Variants in ARHGEF18 observed in about 807,000 individuals in gnomAD.
ARHGEF18 encodes Rho/Rac guanine nucleotide exchange factor 18.
Under a neutral mutation model 155.7 loss-of-function variants are expected in ARHGEF18, and 93 were observed. The ratio of observed to expected loss-of-function variants is 0.60; its 90% CI spans 0.50 to 0.71. ARHGEF18 has a LOEUF of 0.71. Among genes scored for constraint, ARHGEF18 ranks in the 30% least tolerant of loss-of-function variants. The pLI, the probability that ARHGEF18 is intolerant of heterozygous loss-of-function variation, is 0.00. For synonymous variants in ARHGEF18, 742 were observed against 753.1 expected (o/e 0.99, Z 0.24); for missense variants, 1,593 against 1,816.1 (o/e 0.88, Z 2.23).
Position 7,463,899 on chromosome 19 carries a change from C to G in ARHGEF18, c.2717C>G (p.Pro906Arg). Residue 906 changes from proline to arginine, a missense_variant, in exon 22 of 29, where the codon CCG (proline) becomes CGG (arginine). Transcript: ENST00000668164. This position sits in a 1 kb window ranked among gnomAD's most constrained non-coding sequence, Gnocchi z 5.2. ...QAEDGGSSTG[P>R]PRRAETFAGY... ...GAAGACGGAGGCAGCTCCACAGGCC[C>G]GCCCAGGAGGGCTGAGACCTTCGCG... The G allele has an allele frequency of 1.3e-6, 2 of 1,599,908 alleles. No homozygotes were observed. Among genetic ancestry groups the G allele is most frequent in the Non-Finnish European group, 1.7e-6 (2 of 1,173,916 alleles).
chr19:7,352,832 CTTTTTTTTT>C (rs587602037), intron 1 of ARHGEF18, among the ~76,000 whole-genome samples: 5 of 49,884 alleles, frequency 1.0e-4, no homozygotes, highest in South Asian at 2.5e-3. Context: ...CGTGCCTGGC[CTTTTTTTTT>C]TTTTTTTTTT....
At chr19:7,456,231 T>C (rs1975815929) in intron 17 of ARHGEF18, 96 bp from the exon 18 acceptor site, 4 of 1,105,922 alleles carry the variant, frequency 3.6e-6, no homozygotes, top group Non-Finnish European at 5.6e-6. Flanking sequence ...ATCATGCTGC[T>C]TACACCTTCC....
chr19:7,444,311 C>T lies in ARHGEF18; in HGVS notation c.1468C>T (p.Arg490Cys), dbSNP rs764885531. 9 of 1,613,562 alleles carry T rather than the reference C, an allele frequency of 5.6e-6. No individual in the cohort carries two copies. Among genetic ancestry groups the T allele is most frequent in the South Asian group, 3.3e-5 (3 of 91,090 alleles). Residue 490 changes from arginine (R) to cysteine (C), a missense_variant, in exon 14 of 29, where the codon CGC (arginine) becomes TGC (cysteine). By Grantham distance (180) the Arg-to-Cys change is radical (BLOSUM62 -3). Transcript: ENST00000668164. The surrounding 1 kb of genome is among the most constrained non-coding windows in gnomAD (Gnocchi z 4.7). Reference protein sequence around the residue: ...ELQFSSKAIGRLFPCADDLLE... With the variant: ...ELQFSSKAIGCLFPCADDLLE... ...GCAGTTCAGCAGCAAGGCCATTGGC[C>T]GCCTCTTCCCATGCGCTGACGACCT...
At chr19:7,355,904 A>G (rs1969282203) in intron 1 of ARHGEF18, among the ~76,000 whole-genome samples, 1 of 152,128 alleles carries the variant, frequency 6.6e-6, no homozygotes, top group South Asian at 2.1e-4. Flanking sequence ...TTCAGAGGAA[A>G]TGTCTCCCAA....
intron 10 of ARHGEF18, among the ~76,000 whole-genome samples, chr19:7,409,877 G>A (rs900621099): frequency 4.4e-5 from 6 of 136,038 alleles, no homozygotes; most frequent in African/African-American, 8.2e-5. Context: ...AAGTTCAAGC[G>A]ATTCTCCTGC....
At chr19:7,390,594 C>A (rs1364054930) in intron 10 of ARHGEF18, 1 of 151,794 alleles carries the variant, frequency 6.6e-6, no homozygotes, top group African/African-American at 2.4e-5. Flanking sequence ...ATGTCTGGTA[C>A]ACACGGGCAA....
chr19:7,464,789 G>C, intron 23 of ARHGEF18, 99 bp downstream of exon 23: 1 of 1,440,866 alleles, frequency 6.9e-7, no homozygotes, highest in Non-Finnish European at 9.4e-7. Context: ...AGTCTTATTA[G>C]CATCGACAAG....
At chr19:7,381,078 A>C in intron 8 of ARHGEF18, 84 bp downstream of exon 8, 2 of 1,073,084 alleles carry the variant, frequency 1.9e-6, no homozygotes, top group Non-Finnish European at 2.4e-6. Context: ...CAGACCCCCC[A>C]TGCTGGGGGC....
intron 10 of ARHGEF18, among the ~76,000 whole-genome samples, chr19:7,418,961 G>A (rs993981741): frequency 2.6e-5 from 4 of 151,830 alleles, no homozygotes; most frequent in African/African-American, 9.7e-5. Flanking sequence ...TGCATTGCAG[G>A]TGTGTCTGCT....
chr19:7,363,459 G>A (rs1254599237), intron 2 of ARHGEF18, among the ~76,000 whole-genome samples: 2 of 151,558 alleles, frequency 1.3e-5, no homozygotes, highest in Non-Finnish European at 2.9e-5. Flanking sequence ...AGAAGGATGG[G>A]TGGATTAAAG....
At chr19:7,427,128 C>T (rs1004480586) in intron 10 of ARHGEF18, among the ~76,000 whole-genome samples, 6 of 152,122 alleles carry the variant, frequency 3.9e-5, no homozygotes, top group Middle Eastern at 3.2e-3. Context: ...TTTTTGCTGT[C>T]GCAGAACCTG....
At position 7,375,870 on chromosome 19, in the gene ARHGEF18, G is replaced by T; in HGVS notation, c.426G>T (p.Lys142Asn). The change falls in exon 4 of 29, where the codon AAG (lysine) becomes AAT (asparagine). Residue 142 changes from lysine to asparagine, a missense_variant and splice_region_variant. Physicochemically the swap from Lys to Asn is moderately conservative, Grantham distance 94 (BLOSUM62 0). Transcript: ENST00000668164. ...GGGTPAESPG[K>N]ECDSPKKRGR... is the part of the protein sequence containing the mutation. ...GGACCCCCGCAGAGAGCCCAGGCAA[G>T]GTGGGTATAACCTGCAGCCACCCCT... The T allele has an allele frequency of 8.1e-7, 1 of 1,234,430 alleles. No individual in the cohort carries two copies. 76.5% of individuals were successfully genotyped at this position (1,234,430 alleles called of 1,614,324 possible).
At chr19:7,382,702 A>AG in intron 8 of ARHGEF18, 90 bp from the exon 9 acceptor site, 1 of 874,780 alleles carries the variant, frequency 1.1e-6, no homozygotes, top group Non-Finnish European at 1.5e-6. Flanking sequence ...ACAGGGAGAC[A>AG]GGTTGCAGGT....
rs1568270664 is a variant in ARHGEF18, at chr19:7,368,007, G to GGAAGGAAGGA, written c.16-4805_16-4804insGAAGGAAGGA. Reference sequence around the variant, plus strand: ...AGAGAGAGAGAGAGAGAGAGGGAGGGAGGGAGGGAGGGCGGAAGGAAGGAA... The same window carrying GGAAGGAAGGA: ...AGAGAGAGAGAGAGAGAGAGGGAGGGGAAGGAAGGAAGGGAGGGAGGGCGGAAGGAAGGAA... On this transcript the variant is annotated intron_variant, in intron 2 of 28. Coordinates refer to ENST00000668164, the MANE Select transcript of ARHGEF18 (RefSeq NM_001367823.1). Among the ~76,000 whole-genome samples, 15 of 89,250 alleles carry GGAAGGAAGGA rather than the reference G, an allele frequency of 1.7e-4. 1 individual carries two copies. The highest frequency in any genetic ancestry group is 6.6e-4 in the African/African-American group (15 of 22,802). 58.6% of individuals were successfully genotyped at this position (89,250 alleles called of 152,430 possible).
chr19:7,425,953 A>G (rs1973638184), intron 10 of ARHGEF18, among the ~76,000 whole-genome samples: 1 of 150,314 alleles, frequency 6.7e-6, no homozygotes, highest in African/African-American at 2.5e-5. Flanking sequence ...TGACCTATGA[A>G]TGCACCACTG....
intron 13 of ARHGEF18, among the ~76,000 whole-genome samples, chr19:7,443,955 T>A (rs1485427251): frequency 6.6e-6 from 1 of 151,352 alleles, no homozygotes; most frequent in Non-Finnish European, 1.5e-5. Flanking sequence ...GGGTTGACAC[T>A]GGGCGCAAAA....
intron 1 of ARHGEF18, among the ~76,000 whole-genome samples, chr19:7,356,956 G>C (rs1969331340): frequency 6.6e-6 from 1 of 152,208 alleles, no homozygotes; most frequent in Non-Finnish European, 1.5e-5. Context: ...GGAGCAGATG[G>C]GAGTGCCAGG....
Position 7,458,547 on chromosome 19 carries a change from C to A in ARHGEF18, c.2217C>A (p.Leu739=). 3 of 1,614,130 alleles carry A rather than the reference C, an allele frequency of 1.9e-6. No homozygotes were observed. Among genetic ancestry groups the A allele is most frequent in the Non-Finnish European group, 2.5e-6 (3 of 1,180,014 alleles). Residue 739 remains leucine (L), a synonymous_variant, in exon 19 of 29, where the codon CTC becomes CTA. Coordinates refer to ENST00000668164, the MANE Select transcript of ARHGEF18 (RefSeq NM_001367823.1). ...CACCCGTCATCTCGTTACAAAAGCT[C>A]ATCGTGAGGGAAGTGGCCAACGAGG... ...SKPPVISLQK[L]IVREVANEEK... is the part of the protein sequence containing the mutation.
intron 10 of ARHGEF18, among the ~76,000 whole-genome samples, chr19:7,391,300 A>G (rs1971388530): frequency 6.6e-6 from 1 of 152,138 alleles, no homozygotes; most frequent in Non-Finnish European, 1.5e-5. Flanking sequence ...ACAGCCTCAC[A>G]GTAAGTTAAA....
Sources: allele counts gnomAD v4.1 joint callset (sites outside exome capture counted in the v4.1 genomes callset), GRCh38; gene constraint gnomAD v4.1.1; non-coding constraint Gnocchi (gnomAD v3.1); transcripts MANE v1.5; gene names NCBI Gene and HGNC (gene_info 2026-07-23, HGNC 2026-07-21).